LRRC4C: variants seen among roughly 807,000 people sequenced by gnomAD.
LRRC4C encodes leucine rich repeat containing 4C.
A neutral mutation model predicts 33.6 loss-of-function variants in LRRC4C; 5 were observed. The ratio of observed to expected loss-of-function variants is 0.15; its 90% CI spans 0.08 to 0.31. The LOEUF (loss-of-function observed/expected upper bound fraction) is 0.31, where lower values mean the gene tolerates loss of function less well. Ranked by LOEUF, LRRC4C falls within the 10% of genes least tolerant of loss-of-function variation. LRRC4C has a pLI of 1.00. For missense variants in LRRC4C, 560 were observed against 796.7 expected (o/e 0.70, Z 3.58); for synonymous variants, 329 against 302.0 (o/e 1.09, Z -0.93).
intron 1 of LRRC4C, among the ~76,000 whole-genome samples, chr11:41,199,715 C>T (rs1342772390): frequency 6.6e-6 from 1 of 152,018 alleles, no homozygotes; most frequent in African/African-American, 2.4e-5. Context: ...TCCAGCCATG[C>T]CAGCGTTTCT....
intron 1 of LRRC4C, among the ~76,000 whole-genome samples, chr11:41,327,103 G>A (rs1040766748): frequency 1.2e-4 from 19 of 152,158 alleles, no homozygotes; most frequent in African/African-American, 3.1e-4. Context: ...TGGGTCAAAC[G>A]TGGTATAGCT....
intron 3 of LRRC4C, among the ~76,000 whole-genome samples, chr11:40,561,366 T>C (rs1461106567): frequency 6.6e-6 from 1 of 151,672 alleles, no homozygotes; most frequent in Non-Finnish European, 1.5e-5. Context: ...ACTGTCTATA[T>C]GCTCACTAGC....
intron 3 of LRRC4C, among the ~76,000 whole-genome samples, chr11:40,356,107 C>T (rs114248324): frequency 0.011 from 1,665 of 152,130 alleles, 24 homozygotes; most frequent in African/African-American, 0.038. Context: ...AGGGTCTCGG[C>T]TGTAAAGTCA....
At chr11:41,011,943 G>GT (rs200197288) in intron 1 of LRRC4C, among the ~76,000 whole-genome samples, 52,485 of 143,338 alleles carry the variant, frequency 0.37, 10,395 homozygotes, top group East Asian at 0.52. Context: ...TGCCTCCTGG[G>GT]TTTTTTTTTT....
At chr11:41,063,451 G>T (rs542577541) in intron 1 of LRRC4C, among the ~76,000 whole-genome samples, 1 of 152,236 alleles carries the variant, frequency 6.6e-6, no homozygotes, top group East Asian at 1.9e-4. Flanking sequence ...AAGTATATAA[G>T]AATGATGGAG....
chr11:41,213,113 G>A (rs953647575), intron 1 of LRRC4C, among the ~76,000 whole-genome samples: 54 of 152,286 alleles, frequency 3.5e-4, no homozygotes, highest in African/African-American at 1.1e-3. Context: ...GGGGCATCAT[G>A]AAAGTTATTT....
chr11:40,486,521 G>A (rs1953873097), intron 3 of LRRC4C, among the ~76,000 whole-genome samples: 1 of 152,006 alleles, frequency 6.6e-6, no homozygotes, highest in African/African-American at 2.4e-5. Context: ...AAAATACTGT[G>A]TAAGAATTTT....
intron 2 of LRRC4C, among the ~76,000 whole-genome samples, chr11:40,892,043 G>A (rs1934856412): frequency 1.3e-5 from 2 of 150,010 alleles, no homozygotes; most frequent in South Asian, 4.2e-4. Context: ...GCTGAGGCAG[G>A]AGAATAACTT....
At chr11:40,331,144 A>T (rs1472903114) in intron 3 of LRRC4C, among the ~76,000 whole-genome samples, 1 of 152,226 alleles carries the variant, frequency 6.6e-6, no homozygotes, top group Admixed American at 6.5e-5. Flanking sequence ...GCTGGTGAGA[A>T]CAGGGAGAAA....
At chr11:40,382,272 G>A (rs139684468) in intron 3 of LRRC4C, among the ~76,000 whole-genome samples, 5,464 of 150,924 alleles carry the variant, frequency 0.036, 315 homozygotes, top group African/African-American at 0.12. Context: ...GTGAGCCATC[G>A]CGCCCAGCCG....
intron 1 of LRRC4C, among the ~76,000 whole-genome samples, chr11:41,429,095 C>T (rs1955144841): frequency 6.6e-6 from 1 of 152,124 alleles, no homozygotes; most frequent in African/African-American, 2.4e-5. Flanking sequence ...CAGTTACCCT[C>T]ATGCTGTTCT....
chr11:40,402,072 A>G lies in LRRC4C; in HGVS notation c.-269-82351T>C, dbSNP rs1481147344. Among the ~76,000 whole-genome samples, 3 of 152,088 alleles carry G rather than the reference A, an allele frequency of 2.0e-5. No individual in the cohort carries two copies. The East Asian group carries it at 5.8e-4, about 29-fold the overall frequency. ...GTGCGAGAGTTTCAATGTTGACAGG[A>G]CTTACACTCATTTTCTACAATTTCA... On this transcript the variant is annotated intron_variant, in intron 3 of 6. Coordinates refer to ENST00000528697, the MANE Select transcript of LRRC4C (RefSeq NM_001258419.2).
At chr11:40,237,196 C>T (rs571781244) in intron 5 of LRRC4C, among the ~76,000 whole-genome samples, 24 of 152,226 alleles carry the variant, frequency 1.6e-4, no homozygotes, top group African/African-American at 5.5e-4. Flanking sequence ...TATGTTAGGT[C>T]CAAAGTGAAT....
chr11:41,172,070 G>C (rs996173830), intron 1 of LRRC4C, among the ~76,000 whole-genome samples: 11 of 152,120 alleles, frequency 7.2e-5, no homozygotes, highest in African/African-American at 2.7e-4. Context: ...ATAGGAGCAA[G>C]TGTGATTATT....
chr11:40,886,709 A>G (rs960607621), intron 2 of LRRC4C, among the ~76,000 whole-genome samples: 1 of 151,962 alleles, frequency 6.6e-6, no homozygotes, highest in Non-Finnish European at 1.5e-5. Context: ...TTAGAAAAAA[A>G]GTCAAGATAT....
At chr11:41,433,115 A>G (rs1955300467) in intron 1 of LRRC4C, among the ~76,000 whole-genome samples, 1 of 152,190 alleles carries the variant, frequency 6.6e-6, no homozygotes, top group African/African-American at 2.4e-5. Context: ...ACAATAGCCC[A>G]AGAAGGAAAC....
intron 2 of LRRC4C, among the ~76,000 whole-genome samples, chr11:40,862,987 C>T (rs1006606260): frequency 2.0e-5 from 3 of 152,136 alleles, no homozygotes; most frequent in Non-Finnish European, 4.4e-5. Flanking sequence ...TTCTCCAACA[C>T]GGAACACGTT....
intron 4 of LRRC4C, chr11:40,293,131 G>A (rs1019556317): frequency 2.7e-5 from 4 of 149,086 alleles, no homozygotes; most frequent in African/African-American, 7.4e-5. Flanking sequence ...TCCAAACTCC[G>A]GTTATATCCT....
chr11:40,293,680 T>C (rs1336400522), intron 4 of LRRC4C: 9 of 152,244 alleles, frequency 5.9e-5, no homozygotes, highest in Admixed American at 1.3e-4. Context: ...CCCTAATCGC[T>C]GGCTCTTCTC....
Sources: allele counts gnomAD v4.1 joint callset (sites outside exome capture counted in the v4.1 genomes callset), GRCh38; gene constraint gnomAD v4.1.1; transcripts MANE v1.5; gene names NCBI Gene and HGNC (gene_info 2026-07-23, HGNC 2026-07-21).